The following CNTN6 variants were observed in gnomAD, a reference collection of about 807,000 sequenced individuals.
CNTN6 encodes contactin 6, also known as contactin-6.
A neutral mutation model predicts 122.8 loss-of-function variants in CNTN6; 137 were observed. The ratio of observed to expected loss-of-function variants is 1.12; its 90% CI spans 0.97 to 1.29. The LOEUF (loss-of-function observed/expected upper bound fraction) is 1.29. CNTN6 is among the 50% of genes most tolerant of loss of function. CNTN6 has a pLI of 0.00. For missense variants in CNTN6, 1,634 were observed against 1,223.4 expected, an observed-to-expected ratio of 1.34 and a Z score of -5.01; for synonymous variants, 570 against 426.0, an observed-to-expected ratio of 1.34 and a Z score of -4.16.
chr3:1,300,507 GA>G (rs1559754480), intron 7 of CNTN6, among the ~76,000 whole-genome samples: 11 of 134,300 alleles, frequency 8.2e-5, no homozygotes, highest in South Asian at 2.3e-4. Context: ...AGAAAAGAAA[GA>G]GAAAGAAAGA....
intron 11 of CNTN6, among the ~76,000 whole-genome samples, chr3:1,332,834 C>T (rs1227315164): frequency 6.6e-6 from 1 of 152,044 alleles, no homozygotes; most frequent in East Asian, 1.9e-4. Flanking sequence ...TGAACCATTA[C>T]GTGGTAGCCA....
At chr3:1,365,549 C>A (rs1023384859) in intron 12 of CNTN6, among the ~76,000 whole-genome samples, 1 of 151,800 alleles carries the variant, frequency 6.6e-6, no homozygotes, top group Non-Finnish European at 1.5e-5. Context: ...CCTTATATAC[C>A]AAGATATACT....
intron 4 of CNTN6, among the ~76,000 whole-genome samples, chr3:1,256,383 G>T (rs1313067592): frequency 1.3e-5 from 2 of 152,048 alleles, no homozygotes; most frequent in African/African-American, 4.8e-5. Flanking sequence ...TTGCTATGAG[G>T]TGGGATGTGG....
intron 5 of CNTN6, among the ~76,000 whole-genome samples, chr3:1,282,137 A>G (rs931453134): frequency 5.3e-5 from 8 of 152,204 alleles, no homozygotes; most frequent in Non-Finnish European, 8.8e-5. Flanking sequence ...CATGTAAATG[A>G]TTGGTCACAA....
At chr3:1,161,372 T>G (rs376909442) in intron 2 of CNTN6, among the ~76,000 whole-genome samples, 4 of 150,942 alleles carry the variant, frequency 2.7e-5, no homozygotes, top group East Asian at 3.9e-4. Context: ...GAAGCTTAGC[T>G]AGAGACATAA....
At chr3:1,291,760 G>A (rs1695369781) in intron 5 of CNTN6, among the ~76,000 whole-genome samples, 1 of 152,164 alleles carries the variant, frequency 6.6e-6, no homozygotes, top group Admixed American at 6.5e-5. Context: ...AGGCTTAGAA[G>A]TGAGGCAGCA....
intron 5 of CNTN6, among the ~76,000 whole-genome samples, chr3:1,285,304 G>C (rs1332569520): frequency 6.6e-6 from 1 of 152,174 alleles, no homozygotes; most frequent in African/African-American, 2.4e-5. Context: ...CTGGAAAATG[G>C]AGTATCATTT....
At chr3:1,292,475 G>C (rs939469627) in intron 5 of CNTN6, among the ~76,000 whole-genome samples, 9 of 152,006 alleles carry the variant, frequency 5.9e-5, no homozygotes, top group Non-Finnish European at 8.8e-5. Context: ...GGAGGGTGTC[G>C]AAAACACAGA....
intron 2 of CNTN6, among the ~76,000 whole-genome samples, chr3:1,212,437 C>A (rs58269524): frequency 6.7e-6 from 1 of 150,212 alleles, no homozygotes; most frequent in Non-Finnish European, 1.5e-5. Flanking sequence ...TATGTATACA[C>A]ATATAGTTTT....
intron 2 of CNTN6, among the ~76,000 whole-genome samples, chr3:1,163,361 T>G (rs914884429): frequency 4.6e-5 from 7 of 152,180 alleles, no homozygotes; most frequent in African/African-American, 1.7e-4. Context: ...AACTGCAGTG[T>G]TATATTTGAA....
At chr3:1,213,835 A>T (rs1487121590) in intron 2 of CNTN6, among the ~76,000 whole-genome samples, 1 of 148,784 alleles carries the variant, frequency 6.7e-6, no homozygotes, top group Non-Finnish European at 1.5e-5. Context: ...AAAATTTTTT[A>T]AATGATTTCT....
chr3:1,297,711 A>G (rs1696506443), intron 6 of CNTN6, among the ~76,000 whole-genome samples, 178 bp from the exon 7 acceptor site: 2 of 151,172 alleles, frequency 1.3e-5, no homozygotes, highest in Admixed American at 1.3e-4. Context: ...GGATGTCACT[A>G]GAAAAGTGTC....
chr3:1,386,680 CAG>C (rs1036877523), intron 20 of CNTN6, among the ~76,000 whole-genome samples: 2 of 151,906 alleles, frequency 1.3e-5, no homozygotes, highest in Non-Finnish European at 2.9e-5. Flanking sequence ...TTCATAAAAT[CAG>C]ACTTTTTAAA....
chr3:1,207,084 A>G (rs999255745), intron 2 of CNTN6, among the ~76,000 whole-genome samples: 8 of 152,138 alleles, frequency 5.3e-5, no homozygotes, highest in Non-Finnish European at 8.8e-5. Context: ...AGATTCATCT[A>G]TTGGATGCCA....
intron 4 of CNTN6, among the ~76,000 whole-genome samples, chr3:1,275,842 G>C (rs898039822): frequency 1.3e-5 from 2 of 152,294 alleles, no homozygotes; most frequent in African/African-American, 4.8e-5. Context: ...TTGACAGGGA[G>C]TGGCTGTAAA....
At chr3:1,307,195 G>A (rs1459674916) in intron 7 of CNTN6, among the ~76,000 whole-genome samples, 1 of 152,140 alleles carries the variant, frequency 6.6e-6, no homozygotes, top group Non-Finnish European at 1.5e-5. Flanking sequence ...GACTTTCAGT[G>A]AAGGAAGAGT....
chr3:1,402,326 C>A lies in CNTN6; in HGVS notation c.2826C>A (p.Tyr942Ter). ...TACCTCATTTTATTCAGATTCTGTA[C>A]CGGCAAAACAGACAGAGTAAAACTC... ...ESEVLGYKIL[Y>*]RQNRQSKTHI... Residue 942 changes from tyrosine to a stop codon, truncating the protein, a stop_gained, in exon 22 of 23, where the codon TAC becomes TAA. Transcript: ENST00000446702. LOFTEE classifies it high-confidence loss of function. The A allele has an allele frequency of 6.2e-7, 1 of 1,606,004 alleles. No individual in the cohort carries two copies. The highest frequency in any genetic ancestry group is 8.5e-7 in the Non-Finnish European group (1 of 1,175,798).
rs9817551 is a variant in CNTN6, at chr3:1,144,974, T to C, written c.-82-2953T>C. On this transcript the variant is annotated intron_variant, in intron 1 of 22. Transcript: ENST00000446702. The stretch of plus-strand genomic sequence containing the variant: ...CGGAGGATTGGGTATTTTAAATAAT[T>C]TTCTAGCCCAAGGAAGTAGGGGCTG... Among the ~76,000 whole-genome samples, 919 of 152,198 alleles carry C rather than the reference T, an allele frequency of 6.0e-3. 7 individuals carry two copies. The highest frequency in any genetic ancestry group is 0.021 in the African/African-American group (864 of 41,520).
At chr3:1,298,769 T>A (rs915669416) in intron 7 of CNTN6, among the ~76,000 whole-genome samples, 1 of 152,234 alleles carries the variant, frequency 6.6e-6, no homozygotes, top group African/African-American at 2.4e-5. Flanking sequence ...TCTAGGGTGA[T>A]GTTTGATTCC....
Sources: gnomAD v4.1 joint callset for allele counts (sites outside exome capture counted in the v4.1 genomes callset) on GRCh38, gnomAD v4.1.1 for gene constraint, MANE v1.5 for transcripts, NCBI Gene and HGNC (gene_info 2026-07-23, HGNC 2026-07-21) for gene names.